The following RGS7 variants were observed in gnomAD, a reference collection of about 807,000 sequenced individuals.
The protein encoded by RGS7 is regulator of G-protein signaling 7.
Under a neutral mutation model 81.1 loss-of-function variants are expected in RGS7, and 27 were observed. The observed-to-expected ratio is 0.33, with a 90% confidence interval of 0.25 to 0.46. The LOEUF (loss-of-function observed/expected upper bound fraction) is 0.46. Among genes scored for constraint, RGS7 ranks in the 20% least tolerant of loss-of-function variants. The pLI is 1.00. For synonymous variants in RGS7, 208 were observed against 207.7 expected, an observed-to-expected ratio of 1.00 and a Z score of -0.01; for missense variants, 396 against 607.4, an observed-to-expected ratio of 0.65 and a Z score of 3.66.
intron 18 of RGS7, among the ~76,000 whole-genome samples, chr1:240,788,363 C>T (rs945581006): frequency 3.9e-5 from 6 of 152,094 alleles, no homozygotes; most frequent in African/African-American, 1.4e-4. Flanking sequence ...ATGTGAGGAC[C>T]TAATTGGACA....
At chr1:241,241,285 T>C (rs2076247090) in intron 2 of RGS7, among the ~76,000 whole-genome samples, 1 of 151,968 alleles carries the variant, frequency 6.6e-6, no homozygotes, top group South Asian at 2.1e-4. Context: ...GAAGTTGTCA[T>C]TTTTCTATGA....
intron 2 of RGS7, among the ~76,000 whole-genome samples, chr1:241,106,770 A>ACACACACACACACACACACACCCC (rs1439413513): frequency 1.6e-4 from 24 of 149,498 alleles, no homozygotes; most frequent in African/African-American, 5.9e-4. Context: ...ACACACACAC[A>ACACACACACACACACACACACCCC]CACACACACA....
chr1:241,037,457 A>T (rs2060387220), intron 3 of RGS7, among the ~76,000 whole-genome samples: 1 of 152,212 alleles, frequency 6.6e-6, no homozygotes, highest in Admixed American at 6.5e-5. Context: ...CCAGTGGCTC[A>T]TGCCTGTAAT....
At chr1:241,268,614 G>T (rs931297590) in intron 2 of RGS7, among the ~76,000 whole-genome samples, 1 of 152,090 alleles carries the variant, frequency 6.6e-6, no homozygotes. Flanking sequence ...TAGGAGATAC[G>T]AGAGGGAAAG....
intron 2 of RGS7, among the ~76,000 whole-genome samples, chr1:241,276,236 A>G (rs1453881622): frequency 6.6e-6 from 1 of 152,218 alleles, no homozygotes; most frequent in African/African-American, 2.4e-5. Context: ...CAGAGCTCAG[A>G]GGAACCTTGG....
At chr1:241,170,504 G>A (rs1265232392) in intron 2 of RGS7, among the ~76,000 whole-genome samples, 1 of 152,098 alleles carries the variant, frequency 6.6e-6, no homozygotes, top group Non-Finnish European at 1.5e-5. Context: ...GAGAAAGAAG[G>A]CCTGCAAATC....
At chr1:240,977,386 TAC>T (rs1348207953) in intron 4 of RGS7, among the ~76,000 whole-genome samples, 1 of 151,678 alleles carries the variant, frequency 6.6e-6, no homozygotes, top group Non-Finnish European at 1.5e-5. Context: ...TATATATATA[TAC>T]ACACATATGT....
At chr1:241,222,194 G>C (rs1282581951) in intron 2 of RGS7, among the ~76,000 whole-genome samples, 1 of 152,206 alleles carries the variant, frequency 6.6e-6, no homozygotes, top group Non-Finnish European at 1.5e-5. Context: ...AGCATTACTT[G>C]ATCTAACTAA....
At chr1:241,329,971 C>T (rs1256029921) in intron 2 of RGS7, among the ~76,000 whole-genome samples, 2 of 151,604 alleles carry the variant, frequency 1.3e-5, no homozygotes, top group African/African-American at 4.8e-5. Flanking sequence ...GATGGAGTCT[C>T]GCTCTATCGC....
intron 2 of RGS7, among the ~76,000 whole-genome samples, chr1:241,261,892 G>A (rs991503075): frequency 6.6e-6 from 1 of 152,038 alleles, no homozygotes; most frequent in Non-Finnish European, 1.5e-5. Context: ...ATAGAAAAAT[G>A]GGGGAAATTT....
At chr1:241,088,405 C>T (rs561149769) in intron 3 of RGS7, among the ~76,000 whole-genome samples, 36 of 152,000 alleles carry the variant, frequency 2.4e-4, no homozygotes, top group Admixed American at 3.3e-4. Context: ...ACAGAAAATG[C>T]ATGAAGGGCT....
chr1:241,181,599 C>T (rs1366857161), intron 2 of RGS7, among the ~76,000 whole-genome samples: 1 of 152,110 alleles, frequency 6.6e-6, no homozygotes, highest in Non-Finnish European at 1.5e-5. Context: ...TGATGGTGGC[C>T]AGATGTTACA....
intron 2 of RGS7, among the ~76,000 whole-genome samples, chr1:241,202,834 T>C (rs2073622281): frequency 6.6e-6 from 1 of 152,116 alleles, no homozygotes; most frequent in South Asian, 2.1e-4. Flanking sequence ...TTCTGGCTTC[T>C]ATGACCCGCC....
intron 2 of RGS7, among the ~76,000 whole-genome samples, chr1:241,256,536 T>C (rs1178877576): frequency 6.6e-6 from 1 of 152,190 alleles, no homozygotes; most frequent in East Asian, 1.9e-4. Flanking sequence ...ATAACAAGAA[T>C]ACCATAGACT....
chr1:240,911,321 C>T (rs1274125194), intron 6 of RGS7, among the ~76,000 whole-genome samples: 1 of 152,138 alleles, frequency 6.6e-6, no homozygotes, highest in Non-Finnish European at 1.5e-5. Context: ...GTTACTGCTG[C>T]CTTTGCTTCT....
At position 241,271,641 on chromosome 1, in the gene RGS7, T is replaced by G. The variant is rs2077901019; in HGVS notation, c.78+84058A>C. ...CAGACTGCCCATCCCACTGTGGGTG[T>G]GGCTTATCCAACCTGTTGAGGGCCT... On this transcript the variant is annotated intron_variant, in intron 2 of 18. Coordinates refer to ENST00000440928, the MANE Select transcript of RGS7 (RefSeq NM_001364886.1). The surrounding 1 kb of genome is among the most constrained non-coding windows in gnomAD (Gnocchi z 4.6). Among the ~76,000 whole-genome samples the G allele has an allele frequency of 1.3e-5, 2 of 152,326 alleles. No homozygotes were observed. The highest frequency in any genetic ancestry group is 6.8e-3 in the Middle Eastern group (2 of 294).
At chr1:240,916,455 C>T (rs569129779) in intron 6 of RGS7, among the ~76,000 whole-genome samples, 6 of 152,218 alleles carry the variant, frequency 3.9e-5, no homozygotes, top group Admixed American at 6.5e-5. Flanking sequence ...AAGTTAATGA[C>T]AGATATTGTT....
rs116032189 is a variant in RGS7 at position 241,119,376 on chromosome 1, G to A, written c.79-20614C>T. Among the ~76,000 whole-genome samples the A allele has an allele frequency of 3.0e-3, 464 of 152,252 alleles. 6 individuals are homozygous for A. Among genetic ancestry groups the A allele is most frequent in the African/African-American group, 0.01 (433 of 41,536 alleles). On this transcript the variant is annotated intron_variant, in intron 2 of 18. Coordinates refer to ENST00000440928, the MANE Select transcript of RGS7 (RefSeq NM_001364886.1). ...GCACAGAAAATGCTTTGAATAGGAAGGGATTTTTAGTAGCCTTATCAAACA... is the reference window on the plus strand; with the variant it reads ...GCACAGAAAATGCTTTGAATAGGAAAGGATTTTTAGTAGCCTTATCAAACA...
intron 2 of RGS7, among the ~76,000 whole-genome samples, chr1:241,128,777 C>CAAAAAAAAAAAAAAAAAAAAAAA (rs71172680): frequency 1.3e-5 from 1 of 77,942 alleles, no homozygotes; most frequent in Non-Finnish European, 2.5e-5. Flanking sequence ...GAATAATAGG[C>CAAAAAAAAAAAAAAAAAAAAAAA]AAAAAAAAAA....
Sources: allele counts gnomAD v4.1 joint callset (sites outside exome capture counted in the v4.1 genomes callset), GRCh38; gene constraint gnomAD v4.1.1; non-coding constraint Gnocchi (gnomAD v3.1); transcripts MANE v1.5; gene names NCBI Gene and HGNC (gene_info 2026-07-23, HGNC 2026-07-21).